CLSTN2: variants seen among roughly 807,000 people sequenced by gnomAD.
The protein encoded by CLSTN2 is calsyntenin 2, also known as calsyntenin-2.
Under a neutral mutation model 101.2 loss-of-function variants are expected in CLSTN2, and 48 were observed. The observed-to-expected ratio is 0.47, with a 90% CI of 0.38 to 0.60. The LOEUF is 0.60. CLSTN2 is among the 20% of genes least tolerant of loss of function. CLSTN2 has a pLI of 0.00. For synonymous variants in CLSTN2, 481 were observed against 463.6 expected (o/e 1.04, Z -0.48); for missense variants, 1,160 against 1,238.2 (o/e 0.94, Z 0.95).
Position 140,577,024 on chromosome 3 carries a change from C to G in CLSTN2, c.*10771C>G, listed in dbSNP as rs1985751731. The G allele has an allele frequency of 6.6e-6, 1 of 152,150 alleles. No individual in the cohort carries two copies. Among genetic ancestry groups the G allele is most frequent in the Admixed American group, 6.5e-5 (1 of 15,280 alleles). The allele number at this position is 152,150 out of a possible 1,614,324, so 9.4% of individuals were successfully genotyped here. The stretch of plus-strand genomic sequence containing the variant: ...GTCAGAGAAAATGTCCTTTCCCCTC[C>G]CCACTCCTTTTCATAGAATCCTCTC... On this transcript the variant is annotated 3_prime_UTR_variant, in exon 17 of 17. Coordinates refer to ENST00000458420, the MANE Select transcript of CLSTN2 (RefSeq NM_022131.3).
rs1935849400 is a variant in CLSTN2 at position 140,558,668 on chromosome 3, A to G, written c.1852A>G (p.Ile618Val). The G allele has an allele frequency of 2.5e-6, 4 of 1,613,772 alleles. No individual in the cohort carries two copies. Among genetic ancestry groups the G allele is most frequent in the East Asian group, 2.2e-5 (1 of 44,878 alleles). Residue 618 changes from isoleucine to valine, a missense_variant, in exon 12 of 17, where the codon ATC becomes GTC. Coordinates refer to ENST00000458420, the MANE Select transcript of CLSTN2 (RefSeq NM_022131.3). Reference protein sequence around the residue: ...QCFGEDVCISIPEVDAYVMVL... With the variant: ...QCFGEDVCISVPEVDAYVMVL... ...CTTTGGGGAAGACGTATGCATCAGTATCCCTGAGGTAGATGCCTATGTGAT... is the reference window on the plus strand; with the variant it reads ...CTTTGGGGAAGACGTATGCATCAGTGTCCCTGAGGTAGATGCCTATGTGAT...
intron 8 of CLSTN2, among the ~76,000 whole-genome samples, chr3:140,486,898 C>A (rs1934251959): frequency 6.6e-6 from 1 of 152,140 alleles, no homozygotes; most frequent in Non-Finnish European, 1.5e-5. Context: ...AGAGAAAATT[C>A]TGAGTTTTGG....
chr3:140,511,382 G>T (rs1179450659), intron 8 of CLSTN2, among the ~76,000 whole-genome samples: 1 of 151,978 alleles, frequency 6.6e-6, no homozygotes, highest in Non-Finnish European at 1.5e-5. Context: ...GAGTACATAT[G>T]CAGTAATGAA....
At chr3:140,359,233 G>A (rs1042247681) in intron 2 of CLSTN2, among the ~76,000 whole-genome samples, 1 of 152,068 alleles carries the variant, frequency 6.6e-6, no homozygotes, top group African/African-American at 2.4e-5. Context: ...TGCATCCATT[G>A]ATAGAGGAAA....
intron 9 of CLSTN2, among the ~76,000 whole-genome samples, chr3:140,536,082 C>A (rs1156869434): frequency 6.6e-6 from 1 of 152,036 alleles, no homozygotes; most frequent in Non-Finnish European, 1.5e-5. Context: ...ACCTAAGTGA[C>A]CAACCAAGGA....
chr3:139,943,505 G>T (rs1007977087), intron 1 of CLSTN2, among the ~76,000 whole-genome samples: 1 of 152,152 alleles, frequency 6.6e-6, no homozygotes, highest in African/African-American at 2.4e-5. Context: ...AATTGCCTCA[G>T]ATTTCCCTCC....
intron 1 of CLSTN2, among the ~76,000 whole-genome samples, chr3:140,033,802 G>A (rs1576403936): frequency 6.6e-6 from 1 of 152,214 alleles, no homozygotes; most frequent in South Asian, 2.1e-4. Context: ...TTTCTGGGGA[G>A]AGGGTCTATA....
At chr3:140,058,100 A>AT (rs397840864) in intron 1 of CLSTN2, among the ~76,000 whole-genome samples, 4 of 151,740 alleles carry the variant, frequency 2.6e-5, no homozygotes, top group South Asian at 2.1e-4. Context: ...AAAAAAAAAA[A>AT]TTTCAAAAAC....
At chr3:140,358,208 C>G (rs534531208) in intron 2 of CLSTN2, among the ~76,000 whole-genome samples, 1 of 151,992 alleles carries the variant, frequency 6.6e-6, no homozygotes, top group Non-Finnish European at 1.5e-5. Context: ...ATGGCCAAGC[C>G]CCCCCTCCAT....
chr3:140,319,876 G>T (rs1462487107), intron 2 of CLSTN2, among the ~76,000 whole-genome samples: 9 of 152,264 alleles, frequency 5.9e-5, no homozygotes, highest in Non-Finnish European at 1.2e-4. Flanking sequence ...TGGCAACTCA[G>T]TCACCTCCCC....
At chr3:140,242,818 T>C (rs1470354000) in intron 2 of CLSTN2, among the ~76,000 whole-genome samples, 1 of 152,032 alleles carries the variant, frequency 6.6e-6, no homozygotes, top group African/African-American at 2.4e-5. Flanking sequence ...TCTCAAGAGG[T>C]TGCATCCCCT....
At chr3:140,140,767 T>G (rs1188683715) in intron 1 of CLSTN2, among the ~76,000 whole-genome samples, 1 of 152,176 alleles carries the variant, frequency 6.6e-6, no homozygotes, top group African/African-American at 2.4e-5. Flanking sequence ...AGTGGCAAAG[T>G]CAGGATTGAA....
intron 2 of CLSTN2, among the ~76,000 whole-genome samples, chr3:140,186,245 C>T (rs2010483965): frequency 6.6e-6 from 1 of 152,142 alleles, no homozygotes. Flanking sequence ...TAATAACAAG[C>T]TTAGACAAGT....
chr3:140,558,160 A>G (rs1935837797), intron 11 of CLSTN2, among the ~76,000 whole-genome samples: 1 of 152,240 alleles, frequency 6.6e-6, no homozygotes, highest in Non-Finnish European at 1.5e-5. Flanking sequence ...GATGATTACA[A>G]TAGCACTTTG....
intron 8 of CLSTN2, among the ~76,000 whole-genome samples, chr3:140,492,483 G>T (rs185077740): frequency 4.7e-4 from 71 of 152,310 alleles, no homozygotes; most frequent in African/African-American, 1.7e-3. Flanking sequence ...TACTGTCATT[G>T]AACACACTTT....
chr3:140,251,938 G>A (rs73228909), intron 2 of CLSTN2, among the ~76,000 whole-genome samples: 5 of 152,266 alleles, frequency 3.3e-5, no homozygotes, highest in East Asian at 1.9e-4. Flanking sequence ...TGTGACACAC[G>A]TAGGAATTGC....
intron 1 of CLSTN2, among the ~76,000 whole-genome samples, chr3:140,089,101 C>T (rs908417042): frequency 6.6e-6 from 1 of 152,188 alleles, no homozygotes; most frequent in African/African-American, 2.4e-5. Context: ...TCCTGAAGAC[C>T]TGCTAGCTTA....
intron 2 of CLSTN2, among the ~76,000 whole-genome samples, chr3:140,240,174 C>CTCTATATATA (rs1311225528): frequency 5.3e-4 from 7 of 13,310 alleles, no homozygotes; most frequent in African/African-American, 6.4e-4. Context: ...CTCTCTCTCT[C>CTCTATATATA]TATATATATA....
chr3:140,425,797 ACT>A (rs1321412688), intron 5 of CLSTN2, among the ~76,000 whole-genome samples: 4 of 152,002 alleles, frequency 2.6e-5, no homozygotes, highest in African/African-American at 9.7e-5. Context: ...TGAGGTTTTA[ACT>A]CTGAATAGGT....
Sources: allele counts gnomAD v4.1 joint callset (sites outside exome capture counted in the v4.1 genomes callset), GRCh38; gene constraint gnomAD v4.1.1; transcripts MANE v1.5; gene names NCBI Gene and HGNC (gene_info 2026-07-23, HGNC 2026-07-21).